Variants in FXYD6 observed in about 807,000 individuals in gnomAD.
The protein encoded by FXYD6 is FXYD domain-containing ion transport regulator 6.
FXYD6 carries 7 observed loss-of-function variants against 16.7 expected under a neutral mutation model. That is an observed-to-expected ratio of 0.42 (90% confidence interval 0.24 to 0.79). The LOEUF is 0.79. Ranked by LOEUF, FXYD6 falls within the 30% of genes least tolerant of loss-of-function variation. The pLI is 0.28. For missense variants in FXYD6, 111 were observed against 116.2 expected, an observed-to-expected ratio of 0.95 and a Z score of 0.21; for synonymous variants, 49 against 43.0, an observed-to-expected ratio of 1.14 and a Z score of -0.54.
At chr11:117,844,975 G>C (rs998496441) in intron 1 of FXYD6, among the ~76,000 whole-genome samples, 1 of 152,144 alleles carries the variant, frequency 6.6e-6, no homozygotes, top group African/African-American at 2.4e-5. Context: ...CTCATAGTAA[G>C]TGTTCTTTCC....
intron 1 of FXYD6, among the ~76,000 whole-genome samples, chr11:117,854,325 AT>A (rs2056675716): frequency 6.6e-6 from 1 of 152,192 alleles, no homozygotes; most frequent in Non-Finnish European, 1.5e-5. Context: ...AGTGTTGGCA[AT>A]AGGGCTCTTC....
intron 1 of FXYD6, among the ~76,000 whole-genome samples, chr11:117,858,697 TTCTTTCTCTC>T (rs1254920853): frequency 5.4e-5 from 3 of 56,034 alleles, no homozygotes; most frequent in African/African-American, 2.8e-4. Flanking sequence ...CTTTCTTTCT[TTCTTTCTCTC>T]TCTCTCTCCT....
intron 1 of FXYD6, among the ~76,000 whole-genome samples, chr11:117,859,902 C>A (rs756922296): frequency 2.6e-5 from 4 of 152,188 alleles, no homozygotes; most frequent in African/African-American, 4.8e-5. Context: ...ACAGCAATAG[C>A]CACCTGCACC....
Position 117,837,887 on chromosome 11 carries a change from A to C in FXYD6, c.*412T>G. 1 of 351,998 alleles carries C rather than the reference A, an allele frequency of 2.8e-6. No individual in the cohort carries two copies. The allele number at this position is 351,998 out of a possible 1,614,324, so 21.8% of individuals were successfully genotyped here. A position where few individuals can be genotyped will look rare whatever the true frequency, so the allele number is the denominator to read the frequency against. ...CTCGGGCAACAAGCAGCCTCCTAGGAGCAGAAGGTGATGGAGGGCCACGGG... is the reference window on the plus strand; with the variant it reads ...CTCGGGCAACAAGCAGCCTCCTAGGCGCAGAAGGTGATGGAGGGCCACGGG... On this transcript the variant is annotated 3_prime_UTR_variant, in exon 8 of 8. Transcript: ENST00000526014. The surrounding 1 kb of genome is among the most constrained non-coding windows in gnomAD (Gnocchi z 4.4).
chr11:117,868,173 C>T (rs2134203907), intron 1 of FXYD6, among the ~76,000 whole-genome samples: 1 of 152,318 alleles, frequency 6.6e-6, no homozygotes, highest in African/African-American at 2.4e-5. Context: ...GATCTGTCCT[C>T]ACCTGGGATG....
intron 3 of FXYD6, 32 bp from the exon 4 acceptor site, chr11:117,841,897 G>C (rs1394904915): frequency 6.2e-7 from 1 of 1,613,910 alleles, no homozygotes; most frequent in Non-Finnish European, 8.5e-7. Context: ...AGAGAGGAAG[G>C]GGCCAGGGAG....
intron 1 of FXYD6, among the ~76,000 whole-genome samples, chr11:117,846,197 CTG>C (rs1362927581): frequency 2.0e-5 from 3 of 152,082 alleles, no homozygotes; most frequent in Non-Finnish European, 4.4e-5. Flanking sequence ...ACTTTTTTCT[CTG>C]TGTTTATTTG....
intron 7 of FXYD6, 71 bp downstream of exon 7, chr11:117,839,710 T>C: frequency 6.3e-7 from 1 of 1,593,170 alleles, no homozygotes; most frequent in South Asian, 1.1e-5. Context: ...CCTTCCCGCC[T>C]GAACCCCTGT....
At position 117,872,190 on chromosome 11, in the gene FXYD6, G is replaced by A. The variant is rs538618207; in HGVS notation, c.-6+4402C>T. Among the ~76,000 whole-genome samples, 12 of 152,326 alleles carry A rather than the reference G, an allele frequency of 7.9e-5. No homozygotes were observed. In the South Asian group the frequency reaches 2.5e-3, roughly 32 times the overall value. On this transcript the variant is annotated intron_variant, in intron 1 of 7. Coordinates refer to ENST00000526014, the MANE Select transcript of FXYD6 (RefSeq NM_022003.4). This position sits in a 1 kb window ranked among gnomAD's most constrained non-coding sequence, Gnocchi z 4.9. Reference sequence around the variant, plus strand: ...ATGGTCTGAGAGACTGCAGCTCTTCGGGAGAGGTGACAGGGCGTGTGAGAA... The same window carrying A: ...ATGGTCTGAGAGACTGCAGCTCTTCAGGAGAGGTGACAGGGCGTGTGAGAA...
At chr11:117,850,100 C>T (rs2056571352) in intron 1 of FXYD6, among the ~76,000 whole-genome samples, 1 of 152,216 alleles carries the variant, frequency 6.6e-6, no homozygotes, top group South Asian at 2.1e-4. Context: ...CTGCCAATCA[C>T]CTTTCCCTAT....
At chr11:117,843,788 C>T (rs1398238409) in intron 1 of FXYD6, 1 of 152,244 alleles carries the variant, frequency 6.6e-6, no homozygotes, top group African/African-American at 2.4e-5. Context: ...TCTGCTTCCC[C>T]AGAGGATGCG....
intron 1 of FXYD6, among the ~76,000 whole-genome samples, chr11:117,858,485 TAA>T (rs1328441564): frequency 1.3e-5 from 2 of 151,808 alleles, no homozygotes; most frequent in East Asian, 3.9e-4. Context: ...GAAACAGGGG[TAA>T]GGACCACACT....
At chr11:117,843,155 G>A (rs530202112) in intron 1 of FXYD6, among the ~76,000 whole-genome samples, 108 of 152,184 alleles carry the variant, frequency 7.1e-4, no homozygotes, top group Non-Finnish European at 1.3e-3. Flanking sequence ...GGCTGGTCTC[G>A]AACTCTTGAC....
chr11:117,861,259 C>G (rs1055929464), intron 1 of FXYD6, among the ~76,000 whole-genome samples: 5 of 152,206 alleles, frequency 3.3e-5, no homozygotes, highest in African/African-American at 1.2e-4. Flanking sequence ...AATCTCAGCT[C>G]CTTCCCTGTA....
At chr11:117,845,532 A>T (rs2056449653) in intron 1 of FXYD6, among the ~76,000 whole-genome samples, 1 of 152,164 alleles carries the variant, frequency 6.6e-6, no homozygotes, top group South Asian at 2.1e-4. Context: ...TCACTGACTT[A>T]CTACATTTAG....
intron 1 of FXYD6, among the ~76,000 whole-genome samples, chr11:117,862,091 G>A (rs10892187): frequency 0.21 from 31,565 of 152,174 alleles, 4,062 homozygotes; most frequent in Admixed American, 0.31. Context: ...CTGAAAAGGC[G>A]ATGCCCCAGA....
intron 1 of FXYD6, among the ~76,000 whole-genome samples, chr11:117,857,654 A>T (rs559682547): frequency 1.3e-5 from 2 of 151,944 alleles, no homozygotes; most frequent in Non-Finnish European, 2.9e-5. Flanking sequence ...TGAGCCGCCC[A>T]CCTCAACTTC....
chr11:117,845,816 G>A (rs2134146128), intron 1 of FXYD6, among the ~76,000 whole-genome samples: 1 of 152,272 alleles, frequency 6.6e-6, no homozygotes, highest in South Asian at 2.1e-4. Context: ...GTAACCAGAA[G>A]CAATTATCAC....
intron 1 of FXYD6, among the ~76,000 whole-genome samples, chr11:117,873,827 C>T (rs1280091289): frequency 1.3e-5 from 2 of 152,128 alleles, no homozygotes; most frequent in East Asian, 1.9e-4. Context: ...ATCTCCTTGC[C>T]ACAGCTTCCA....
Sources: gnomAD v4.1 joint callset for allele counts (sites outside exome capture counted in the v4.1 genomes callset) on GRCh38, gnomAD v4.1.1 for gene constraint, Gnocchi (gnomAD v3.1) non-coding constraint, MANE v1.5 for transcripts, NCBI Gene and HGNC (gene_info 2026-07-23, HGNC 2026-07-21) for gene names.